PCCA: variants seen among roughly 807,000 people sequenced by gnomAD.
PCCA encodes propionyl-CoA carboxylase subunit alpha, also known as propionyl-CoA carboxylase alpha chain, mitochondrial.
A neutral mutation model predicts 101.3 loss-of-function variants in PCCA; 74 were observed. The observed-to-expected ratio is 0.73, with a 90% CI of 0.61 to 0.89. The LOEUF (loss-of-function observed/expected upper bound fraction) is 0.89. Ranked by LOEUF, PCCA falls within the 40% of genes least tolerant of loss-of-function variation. The probability of loss-of-function intolerance (pLI) is 0.00; values close to 1 mark genes in which losing one functional copy is unlikely to be tolerated. For synonymous variants in PCCA, 294 were observed against 313.6 expected, an observed-to-expected ratio of 0.94 and a Z score of 0.66; for missense variants, 891 against 907.0, an observed-to-expected ratio of 0.98 and a Z score of 0.23.
intron 12 of PCCA, among the ~76,000 whole-genome samples, chr13:100,283,932 A>G (rs1004765132): frequency 7.2e-5 from 11 of 151,816 alleles, no homozygotes; most frequent in Non-Finnish European, 1.5e-4. Flanking sequence ...GAGGACGAAG[A>G]TTCCCTGGGT....
intron 19 of PCCA, among the ~76,000 whole-genome samples, chr13:100,400,620 C>CTTTTT (rs1380536807): frequency 1.6e-5 from 1 of 61,944 alleles, no homozygotes; most frequent in African/African-American, 1.0e-4. Context: ...GATCTTAGTT[C>CTTTTT]TTTTTAGTTC....
At chr13:100,192,932 GTGT>G (rs1449304079) in intron 6 of PCCA, among the ~76,000 whole-genome samples, 1 of 152,104 alleles carries the variant, frequency 6.6e-6, no homozygotes, top group African/African-American at 2.4e-5. Context: ...TTTGGTACAT[GTGT>G]TGTTGTTTGT....
intron 17 of PCCA, among the ~76,000 whole-genome samples, chr13:100,335,998 C>T (rs1409685561): frequency 6.6e-6 from 1 of 152,146 alleles, no homozygotes; most frequent in African/African-American, 2.4e-5. Context: ...CACGGTGGCT[C>T]ATGCCTGTAA....
intron 17 of PCCA, among the ~76,000 whole-genome samples, chr13:100,336,882 A>G (rs2070552733): frequency 6.6e-6 from 1 of 152,148 alleles, no homozygotes; most frequent in Non-Finnish European, 1.5e-5. Context: ...AACAAGTACA[A>G]GTGACTTGCT....
At chr13:100,375,360 A>G (rs551244488) in intron 19 of PCCA, among the ~76,000 whole-genome samples, 1 of 152,136 alleles carries the variant, frequency 6.6e-6, no homozygotes, top group Non-Finnish European at 1.5e-5. Flanking sequence ...TGGGGTGTAG[A>G]GTTCTGTAGA....
At chr13:100,183,572 C>T (rs756430580) in intron 6 of PCCA, among the ~76,000 whole-genome samples, 11 of 152,004 alleles carry the variant, frequency 7.2e-5, no homozygotes, top group Non-Finnish European at 1.3e-4. Flanking sequence ...GGCTTCATGA[C>T]GAAGGTGGCA....
At chr13:100,188,072 A>C (rs1003283067) in intron 6 of PCCA, among the ~76,000 whole-genome samples, 5 of 152,180 alleles carry the variant, frequency 3.3e-5, no homozygotes, top group Admixed American at 1.3e-4. Flanking sequence ...AGGTGGGCGG[A>C]TCACGAGGTC....
chr13:100,340,636 T>A (rs181902332), intron 18 of PCCA, among the ~76,000 whole-genome samples: 1 of 152,140 alleles, frequency 6.6e-6, no homozygotes, highest in Non-Finnish European at 1.5e-5. Flanking sequence ...AAAATATATA[T>A]CAGAAACTAG....
At chr13:100,164,746 A>T (rs1429247324) in intron 6 of PCCA, among the ~76,000 whole-genome samples, 2 of 152,188 alleles carry the variant, frequency 1.3e-5, no homozygotes, top group Admixed American at 6.5e-5. Context: ...AGTGTGGCTC[A>T]GTGGCTTTAA....
chr13:100,187,377 T>C (rs989844142), intron 6 of PCCA, among the ~76,000 whole-genome samples: 26 of 152,156 alleles, frequency 1.7e-4, no homozygotes, highest in African/African-American at 5.8e-4. Context: ...GGATCTGCGA[T>C]AGGCTGGAGA....
chr13:100,423,327 A>C (rs1180034913), intron 19 of PCCA, among the ~76,000 whole-genome samples: 3 of 152,188 alleles, frequency 2.0e-5, no homozygotes, highest in African/African-American at 7.2e-5. Context: ...TTTCTCTGGT[A>C]TTAACCCGTG....
chr13:100,232,351 C>CGTGTGTGTGTGTGTGT (rs375554722), intron 7 of PCCA, among the ~76,000 whole-genome samples: 198 of 131,256 alleles, frequency 1.5e-3, no homozygotes, highest in Admixed American at 3.0e-3. Context: ...TGTGTGTATG[C>CGTGTGTGTGTGTGTGT]GTGTGTGTGT....
intron 12 of PCCA, among the ~76,000 whole-genome samples, chr13:100,293,581 G>T (rs2065297479): frequency 1.3e-5 from 2 of 152,118 alleles, no homozygotes; most frequent in Non-Finnish European, 2.9e-5. Flanking sequence ...AGAAATTATT[G>T]GGAAAAGGAT....
chr13:100,208,222 C>T (rs1300324907), intron 6 of PCCA, among the ~76,000 whole-genome samples: 2 of 152,076 alleles, frequency 1.3e-5, no homozygotes, highest in East Asian at 1.9e-4. Context: ...ACTTCCTGCT[C>T]GGGGTGGGTT....
intron 16 of PCCA, 35 bp downstream of exon 16, chr13:100,309,943 A>G (rs753459168): frequency 6.9e-7 from 1 of 1,458,956 alleles, no homozygotes; most frequent in South Asian, 1.1e-5. Context: ...TGGTTATTGT[A>G]TATGGTGTCC....
In PCCA at chr13:100,349,837, C is replaced by T. The variant is rs182832993; in HGVS notation, c.1643+9578C>T. Among the ~76,000 whole-genome samples, 16 of 152,282 alleles carry T rather than the reference C, an allele frequency of 1.1e-4. No individual in the cohort carries two copies. The East Asian group carries it at 1.2e-3, about 11-fold the overall frequency. ...AACTCTTTCAGCCACAGTAGCATAA[C>T]GGGAAATTACTTCCTCTTGGGTTCT... On this transcript the variant is annotated intron_variant, in intron 18 of 23. Coordinates refer to ENST00000376285, the MANE Select transcript of PCCA (RefSeq NM_000282.4).
intron 19 of PCCA, among the ~76,000 whole-genome samples, chr13:100,400,101 G>T (rs1265767017): frequency 1.3e-5 from 2 of 152,216 alleles, no homozygotes; most frequent in African/African-American, 4.8e-5. Context: ...TCTTGGAGCA[G>T]GTGGGTGAAT....
intron 21 of PCCA, among the ~76,000 whole-genome samples, chr13:100,508,281 ATATTCT>A (rs1411319316): frequency 1.3e-5 from 2 of 152,214 alleles, no homozygotes; most frequent in East Asian, 1.9e-4. Flanking sequence ...TGGGCTTCAG[ATATTCT>A]TATTCTTCTG....
intron 20 of PCCA, among the ~76,000 whole-genome samples, chr13:100,433,313 A>G (rs2079687831): frequency 1.3e-5 from 2 of 152,174 alleles, no homozygotes; most frequent in African/African-American, 4.8e-5. Flanking sequence ...TTGTTTTTTA[A>G]TAATAGCCAT....
Sources: gnomAD v4.1 joint callset for allele counts (sites outside exome capture counted in the v4.1 genomes callset) on GRCh38, gnomAD v4.1.1 for gene constraint, MANE v1.5 for transcripts, NCBI Gene and HGNC (gene_info 2026-07-23, HGNC 2026-07-21) for gene names.